The following HAPLN1 variants were observed in gnomAD, a reference collection of about 807,000 sequenced individuals.
HAPLN1 encodes the protein hyaluronan and proteoglycan link protein 1.
A neutral mutation model predicts 36.5 loss-of-function variants in HAPLN1; 13 were observed. That is an observed-to-expected ratio of 0.36 (90% CI 0.23 to 0.57). The LOEUF is 0.57. Among genes scored for constraint, HAPLN1 ranks in the 20% least tolerant of loss-of-function variants. The pLI is 0.83. For synonymous variants in HAPLN1, 202 were observed against 169.8 expected, an observed-to-expected ratio of 1.19 and a Z score of -1.48; for missense variants, 407 against 439.7, an observed-to-expected ratio of 0.93 and a Z score of 0.66.
At chr5:83,665,429 A>G (rs1750525560) in intron 2 of HAPLN1, among the ~76,000 whole-genome samples, 1 of 152,198 alleles carries the variant, frequency 6.6e-6, no homozygotes, top group East Asian at 1.9e-4. Context: ...CATAATTTCC[A>G]ATGCTTTCCA....
intron 1 of HAPLN1, among the ~76,000 whole-genome samples, chr5:83,683,373 A>G (rs1373492045): frequency 6.6e-6 from 1 of 152,104 alleles, no homozygotes; most frequent in African/African-American, 2.4e-5. Context: ...GAGGTGGCAG[A>G]GTTCCTGGGT....
intron 1 of HAPLN1, among the ~76,000 whole-genome samples, chr5:83,715,763 A>G (rs1002928397): frequency 6.6e-6 from 1 of 152,180 alleles, no homozygotes; most frequent in Non-Finnish European, 1.5e-5. Context: ...CAAGAAACAA[A>G]GCTGTTATCC....
intron 1 of HAPLN1, chr5:83,674,898 T>C (rs952874873): frequency 1.3e-5 from 2 of 152,254 alleles, no homozygotes; most frequent in Non-Finnish European, 2.9e-5. Flanking sequence ...GTGATGCTGA[T>C]GGCTTTAGTC....
chr5:83,686,340 G>T (rs1206531162), intron 1 of HAPLN1, among the ~76,000 whole-genome samples: 6 of 152,108 alleles, frequency 3.9e-5, no homozygotes, highest in East Asian at 1.9e-4. Context: ...GAGGTGAAAA[G>T]GTAGAAGAGG....
chr5:83,653,427 T>C (rs1750130752), intron 2 of HAPLN1, among the ~76,000 whole-genome samples: 1 of 152,238 alleles, frequency 6.6e-6, no homozygotes, highest in South Asian at 2.1e-4. Context: ...GAAATATGTA[T>C]TTTGTTTTCA....
At chr5:83,646,119 T>G (rs1749868862) in intron 3 of HAPLN1, among the ~76,000 whole-genome samples, 1 of 152,246 alleles carries the variant, frequency 6.6e-6, no homozygotes, top group Admixed American at 6.5e-5. Flanking sequence ...TCTGCCCATT[T>G]TCTTTAAAGG....
In HAPLN1 at chr5:83,656,753, A is replaced by C. The variant is rs367632476; in HGVS notation, c.101-3929T>G. On this transcript the variant is annotated intron_variant, in intron 2 of 4. Transcript: ENST00000274341. The stretch of plus-strand genomic sequence containing the variant: ...GGAAACTGCAGGGCCTGGTGAGAAC[A>C]CTAATGGGGACTCACTGAACCGCTG... 1.6e-4 allele frequency among the ~76,000 whole-genome samples: 25 copies of C among 152,160 alleles called. 1 individual carries two copies. The highest frequency in any genetic ancestry group is 6.0e-4 in the African/African-American group (25 of 41,404).
chr5:83,656,638 G>A (rs1004796553), intron 2 of HAPLN1, among the ~76,000 whole-genome samples: 16 of 152,202 alleles, frequency 1.1e-4, no homozygotes, highest in African/African-American at 3.4e-4. Flanking sequence ...TTTTTAAAGT[G>A]CAATTTACAA....
chr5:83,671,145 G>C (rs1432081269), intron 2 of HAPLN1, among the ~76,000 whole-genome samples: 1 of 152,178 alleles, frequency 6.6e-6, no homozygotes, highest in Non-Finnish European at 1.5e-5. Flanking sequence ...TCATTAAAAT[G>C]TTGAGCTTCT....
chr5:83,652,402 A>G, intron 3 of HAPLN1, 51 bp downstream of exon 3: 1 of 1,524,878 alleles, frequency 6.6e-7, no homozygotes, highest in Non-Finnish European at 8.8e-7. Context: ...TGAAAAAAAA[A>G]GCAACTATTA....
At chr5:83,648,712 G>T (rs1191393622) in intron 3 of HAPLN1, among the ~76,000 whole-genome samples, 3 of 152,116 alleles carry the variant, frequency 2.0e-5, no homozygotes, top group Admixed American at 6.5e-5. Flanking sequence ...TTTGGTGCAT[G>T]TTAGAAGACT....
At chr5:83,702,282 A>T (rs1212492186) in intron 1 of HAPLN1, among the ~76,000 whole-genome samples, 1 of 151,968 alleles carries the variant, frequency 6.6e-6, no homozygotes, top group Non-Finnish European at 1.5e-5. Context: ...GCTTAAAAAA[A>T]TAGATATAAC....
intron 1 of HAPLN1, among the ~76,000 whole-genome samples, chr5:83,710,724 G>A (rs1254833746): frequency 6.6e-6 from 1 of 152,190 alleles, no homozygotes; most frequent in Admixed American, 6.5e-5. Context: ...GCAGAGGCGG[G>A]TGGATGACCC....
chr5:83,701,438 A>G (rs1247441347), intron 1 of HAPLN1, among the ~76,000 whole-genome samples: 2 of 152,238 alleles, frequency 1.3e-5, no homozygotes, highest in African/African-American at 4.8e-5. Flanking sequence ...AGGCAGATCA[A>G]CAAACATCTG....
chr5:83,715,553 G>A (rs369432831), intron 1 of HAPLN1, among the ~76,000 whole-genome samples: 4 of 152,232 alleles, frequency 2.6e-5, no homozygotes, highest in African/African-American at 9.6e-5. Context: ...CTAGCGTGGT[G>A]CCTGCCTGGT....
At chr5:83,666,147 G>A (rs1750544327) in intron 2 of HAPLN1, among the ~76,000 whole-genome samples, 1 of 151,900 alleles carries the variant, frequency 6.6e-6, no homozygotes, top group Non-Finnish European at 1.5e-5. Flanking sequence ...TAGCATTTTG[G>A]TGTTTGTATT....
At position 83,688,642 on chromosome 5, in the gene HAPLN1, C is replaced by CTTTTTTTTTTTT. The variant is rs539790396; in HGVS notation, c.-26-15105_-26-15094dup. ...TATTTGCCAAATGCAGCTTTTGATTCTTTTTTTTTTTTTTTTTTTTTTTTT... is the reference window on the plus strand; with the variant it reads ...TATTTGCCAAATGCAGCTTTTGATTCTTTTTTTTTTTTTTTTTTTTTTTTTTTTTTTTTTTTT... On this transcript the variant is annotated intron_variant, in intron 1 of 4. Coordinates refer to ENST00000274341, the MANE Select transcript of HAPLN1 (RefSeq NM_001884.4). Among the ~76,000 whole-genome samples the CTTTTTTTTTTTT allele has an allele frequency of 6.9e-4, 56 of 80,592 alleles. 4 individuals are homozygous for CTTTTTTTTTTTT. The highest frequency in any genetic ancestry group is 1.5e-3 in the South Asian group (3 of 2,008). The allele number at this position is 80,592 out of a possible 152,430, so 52.9% of individuals were successfully genotyped here.
intron 3 of HAPLN1, among the ~76,000 whole-genome samples, chr5:83,648,395 CTATATATATATATATATA>C (rs56115447): frequency 0.086 from 5,219 of 60,708 alleles, 320 homozygotes; most frequent in African/African-American, 0.19. Flanking sequence ...CTATATTTGA[CTATATATATATATATATA>C]TATATATATA....
chr5:83,660,611 T>C lies in HAPLN1; in HGVS notation c.101-7787A>G, dbSNP rs77988713. On this transcript the variant is annotated intron_variant, in intron 2 of 4. Coordinates refer to ENST00000274341, the MANE Select transcript of HAPLN1 (RefSeq NM_001884.4). The stretch of plus-strand genomic sequence containing the variant: ...TATTCTGTCTCCTCTTAATTCTCTT[T>C]TCTTAATCTTTTTTTTCTAGCAGGA... 3.8e-3 allele frequency among the ~76,000 whole-genome samples: 585 copies of C among 152,026 alleles called. 13 individuals are homozygous for C. In the East Asian group the frequency reaches 0.063, roughly 16 times the overall value.
Sources: gnomAD v4.1 joint callset for allele counts (sites outside exome capture counted in the v4.1 genomes callset) on GRCh38, gnomAD v4.1.1 for gene constraint, MANE v1.5 for transcripts, NCBI Gene and HGNC (gene_info 2026-07-23, HGNC 2026-07-21) for gene names.